The following GGT1 variants were observed in gnomAD, a reference collection of about 807,000 sequenced individuals.
GGT1 encodes the protein gamma-glutamyltransferase 1.
In GGT1, 21 loss-of-function variants were observed where a neutral mutation model predicts 56.0. That is an observed-to-expected ratio of 0.38 (90% CI 0.27 to 0.54). GGT1 has a LOEUF of 0.54. GGT1 is among the 20% of genes least tolerant of loss of function. The pLI is 0.82. For synonymous variants in GGT1, 238 were observed against 342.6 expected, an observed-to-expected ratio of 0.69 and a Z score of 3.37; for missense variants, 466 against 787.0, an observed-to-expected ratio of 0.59 and a Z score of 4.88.
At chr22:24,586,321 G>C in the GGT1 span, 1 of 1,614,002 alleles carries the variant, frequency 6.2e-7, no homozygotes, top group Admixed American at 1.7e-5. Flanking sequence ...GGTAGCGTGT[G>C]ATGTGTTGCA....
At chr22:24,589,110 C>T in the GGT1 span, 1 of 1,098,846 alleles carries the variant, frequency 9.1e-7, no homozygotes, top group African/African-American at 1.7e-5. Context: ...GCATTCAGAG[C>T]TGGCAGGGCC....
intron 7 of GGT1, 141 bp downstream of exon 7, chr22:24,615,268 C>T (rs2046986779): frequency 3.2e-6 from 2 of 633,784 alleles, no homozygotes; most frequent in African/African-American, 3.7e-5. Flanking sequence ...CCATAGCACC[C>T]TCCCACAATG....
intron 1 of GGT1, among the ~76,000 whole-genome samples, chr22:24,596,986 A>T (rs1569042709): frequency 2.3e-5 from 3 of 129,824 alleles, no homozygotes; most frequent in Admixed American, 8.3e-5. Context: ...TTTAATTTTA[A>T]TTTTTTTTTT....
At chr22:24,613,067 G>GA (rs1350191779) in intron 5 of GGT1, among the ~76,000 whole-genome samples, 1 of 151,962 alleles carries the variant, frequency 6.6e-6, no homozygotes. Context: ...GACTTAAACA[G>GA]AAAAAATATT....
intron 1 of GGT1, chr22:24,594,899 C>G (rs1172516199): frequency 6.6e-6 from 1 of 152,414 alleles, no homozygotes; most frequent in Non-Finnish European, 1.5e-5. Context: ...AAGCCCTCCT[C>G]CTCTTCCCCT....
At chr22:24,593,527 C>T (rs1235858568), upstream of GGT1, among the ~76,000 whole-genome samples, 2 of 152,216 alleles carry the variant, frequency 1.3e-5, no homozygotes, top group African/African-American at 4.8e-5. Flanking sequence ...GTGGCTCACG[C>T]CTGTAATCCC....
intron 11 of GGT1, among the ~76,000 whole-genome samples, chr22:24,626,558 C>G (rs2047785797): frequency 6.6e-6 from 1 of 151,854 alleles, no homozygotes; most frequent in African/African-American, 2.4e-5. Context: ...TATCCAAAAT[C>G]AAGCTCCTGA....
chr22:24,628,881 G>C lies in GGT1; in HGVS notation c.*42G>C, dbSNP rs775914698. ...AGGCTGACAAGCAATCCAGGGACAA[G>C]ATACTCACCAGGACCAGGAAGGGGA... On this transcript the variant is annotated 3_prime_UTR_variant, in exon 16 of 16. Coordinates refer to ENST00000400382, the MANE Select transcript of GGT1 (RefSeq NM_001288833.2). This position sits in a 1 kb window ranked among gnomAD's most constrained non-coding sequence, Gnocchi z 5.7. 1 of 1,587,332 alleles carries C rather than the reference G, an allele frequency of 6.3e-7. No homozygotes were observed. The highest frequency in any genetic ancestry group is 8.6e-7 in the Non-Finnish European group (1 of 1,169,032).
At chr22:24,586,984 C>T in the GGT1 span, among the ~76,000 whole-genome samples, 1 of 152,208 alleles carries the variant, frequency 6.6e-6, no homozygotes. Flanking sequence ...TCACTGTGTG[C>T]CCAGCATCCC....
the GGT1 span, chr22:24,589,149 G>A: frequency 9.6e-6 from 11 of 1,142,614 alleles, no homozygotes; most frequent in African/African-American, 1.5e-4. Context: ...TTTGGTTGGG[G>A]ACTCACTGTG....
At chr22:24,610,120 G>A in intron 3 of GGT1, 87 bp downstream of exon 3, 3 of 411,464 alleles carry the variant, frequency 7.3e-6, no homozygotes, top group Non-Finnish European at 1.5e-5. Flanking sequence ...GCACATCCTG[G>A]GCTTCTGCAG....
chr22:24,589,121 C>T, the GGT1 span: 1 of 1,122,204 alleles, frequency 8.9e-7, no homozygotes, highest in African/African-American at 1.7e-5. Context: ...TGGCAGGGCC[C>T]AGAGCGGATA....
chr22:24,618,199 C>T (rs1365469176), intron 7 of GGT1, among the ~76,000 whole-genome samples: 4 of 152,132 alleles, frequency 2.6e-5, no homozygotes, highest in African/African-American at 4.8e-5. Flanking sequence ...TTTTTCATTT[C>T]TGGGTGTTAG....
chr22:24,598,203 C>G (rs2045725689), upstream of GGT1: 1 of 151,970 alleles, frequency 6.6e-6, no homozygotes, highest in South Asian at 2.1e-4. Flanking sequence ...TTTGGGAGGT[C>G]GAGGCAGGTG....
chr22:24,606,670 A>T lies in GGT1; in HGVS notation c.-428-1284A>T, dbSNP rs528238521. Among the ~76,000 whole-genome samples the T allele has an allele frequency of 2.2e-4, 33 of 152,240 alleles. 1 individual carries two copies. The South Asian group carries it at 6.4e-3, about 30-fold the overall frequency. On this transcript the variant is annotated intron_variant, in intron 1 of 15. Coordinates refer to ENST00000400382, the MANE Select transcript of GGT1 (RefSeq NM_001288833.2). ...CACCTCCACCCTAGGGCTATTGAGG[A>T]TCTCACAGTTGTGTGTCTGGTGGGT...
chr22:24,605,177 G>A (rs1483925393), intron 1 of GGT1, among the ~76,000 whole-genome samples: 2 of 65,010 alleles, frequency 3.1e-5, no homozygotes, highest in South Asian at 3.6e-4. Flanking sequence ...TATATAATAT[G>A]TAATATATTA....
At chr22:24,627,165 A>G (rs2047839949) in intron 11 of GGT1, 7 of 966,628 alleles carry the variant, frequency 7.2e-6, no homozygotes, top group Non-Finnish European at 1.0e-5. Context: ...TATTTTTTGC[A>G]TGAAGGAATG....
intron 7 of GGT1, among the ~76,000 whole-genome samples, chr22:24,619,110 A>G (rs1422313116): frequency 6.6e-6 from 1 of 152,084 alleles, no homozygotes; most frequent in African/African-American, 2.4e-5. Context: ...TAAAAATAAA[A>G]AATTAGGCTG....
rs1444676892 is a variant in GGT1, at chr22:24,605,021, G to GATATATATATA, written c.-429+1494_-429+1495insATATATATATA. Among the ~76,000 whole-genome samples, 4 of 69,200 alleles carry GATATATATATA rather than the reference G, an allele frequency of 5.8e-5. 1 individual carries two copies. Among genetic ancestry groups the GATATATATATA allele is most frequent in the African/African-American group, 5.2e-4 (4 of 7,756 alleles). The allele number at this position is 69,200 out of a possible 152,430, so 45.4% of individuals were successfully genotyped here. A position where few individuals can be genotyped will look rare whatever the true frequency, so the allele number is the denominator to read the frequency against. On this transcript the variant is annotated intron_variant, in intron 1 of 15. Coordinates refer to ENST00000400382, the MANE Select transcript of GGT1 (RefSeq NM_001288833.2). ...CCACCTGCTGCTGTGAATCCTGTATGTCATATATATATATAAAATATGTAA... is the reference window on the plus strand; with the variant it reads ...CCACCTGCTGCTGTGAATCCTGTATGATATATATATATCATATATATATATAAAATATGTAA...
Sources: allele counts gnomAD v4.1 joint callset (sites outside exome capture counted in the v4.1 genomes callset), GRCh38; gene constraint gnomAD v4.1.1; non-coding constraint Gnocchi (gnomAD v3.1); transcripts MANE v1.5; gene names NCBI Gene and HGNC (gene_info 2026-07-23, HGNC 2026-07-21).